Variants in CAMTA1 observed in about 807,000 individuals in gnomAD.
The protein encoded by CAMTA1 is calmodulin binding transcription activator 1.
In CAMTA1, 27 loss-of-function variants were observed where a neutral mutation model predicts 170.9. That is an observed-to-expected ratio of 0.16 (90% confidence interval 0.12 to 0.22). CAMTA1 has a LOEUF of 0.22. Ranked by LOEUF, CAMTA1 falls within the 10% of genes least tolerant of loss-of-function variation. The pLI is 1.00. For missense variants in CAMTA1, 1,619 were observed against 2,217.2 expected, an observed-to-expected ratio of 0.73 and a Z score of 5.42; for synonymous variants, 833 against 891.5, an observed-to-expected ratio of 0.93 and a Z score of 1.17.
At chr1:7,118,431 C>G (rs1259253647) in intron 4 of CAMTA1, among the ~76,000 whole-genome samples, 1 of 151,166 alleles carries the variant, frequency 6.6e-6, no homozygotes, top group Non-Finnish European at 1.5e-5. Flanking sequence ...TAGCTGGGAC[C>G]ACAGGAGTAC....
chr1:7,592,094 T>G lies in CAMTA1; in HGVS notation c.511-48306T>G, dbSNP rs1378327317. On this transcript the variant is annotated intron_variant, in intron 6 of 22. Transcript: ENST00000303635. This position sits in a 1 kb window ranked among gnomAD's most constrained non-coding sequence, Gnocchi z 4.6. ...TTATATTTTTAGTAGAGATGGGGTT[T>G]CATCATGTTGGCCAGGCTGGTCTCG... Among the ~76,000 whole-genome samples the G allele has an allele frequency of 1.3e-5, 2 of 152,154 alleles. No individual in the cohort carries two copies.
At chr1:7,687,306 G>A (rs3124794) in intron 11 of CAMTA1, among the ~76,000 whole-genome samples, 73,200 of 151,038 alleles carry the variant, frequency 0.48, 17,923 homozygotes, top group East Asian at 0.65. Context: ...GCTAAGAAAC[G>A]AAGGTGTTTC....
At chr1:7,582,588 G>A (rs1253491681) in intron 6 of CAMTA1, among the ~76,000 whole-genome samples, 6 of 152,146 alleles carry the variant, frequency 3.9e-5, no homozygotes, top group Non-Finnish European at 8.8e-5. Context: ...CTTCTAGCTT[G>A]TTGCTGTAAC....
intron 11 of CAMTA1, among the ~76,000 whole-genome samples, chr1:7,705,744 G>T (rs569192957): frequency 6.6e-6 from 1 of 152,340 alleles, no homozygotes; most frequent in South Asian, 2.1e-4. Context: ...GGCGACGGGG[G>T]ACTGTCTCTA....
Position 7,673,650 on chromosome 1 carries a change from G to A in CAMTA1, c.2779+2613G>A, listed in dbSNP as rs17031320. On this transcript the variant is annotated intron_variant, in intron 10 of 22. Transcript: ENST00000303635. This position sits in a 1 kb window ranked among gnomAD's most constrained non-coding sequence, Gnocchi z 4.6. ...AGGGACCAGGAGCCACAAGGCTCAA[G>A]GCACACTGAGAGCTGGGACTCCCCT... 2.4e-3 allele frequency among the ~76,000 whole-genome samples: 368 copies of A among 152,316 alleles called. 2 individuals are homozygous for A. The highest frequency in any genetic ancestry group is 7.2e-3 in the African/African-American group (299 of 41,578).
At chr1:7,557,655 C>T (rs996643342) in intron 6 of CAMTA1, among the ~76,000 whole-genome samples, 3 of 152,220 alleles carry the variant, frequency 2.0e-5, no homozygotes, top group Non-Finnish European at 4.4e-5. Context: ...TCCCCCAGCT[C>T]CCTTTTGCCC....
chr1:6,907,408 G>T (rs1279170749), intron 3 of CAMTA1, among the ~76,000 whole-genome samples: 2 of 152,034 alleles, frequency 1.3e-5, no homozygotes, highest in African/African-American at 4.8e-5. Context: ...TTCTACGCAG[G>T]GTGCATGCAG....
chr1:6,878,207 A>G (rs780082537), intron 3 of CAMTA1, among the ~76,000 whole-genome samples: 1 of 152,254 alleles, frequency 6.6e-6, no homozygotes, highest in Non-Finnish European at 1.5e-5. Flanking sequence ...AGGTTGTCTT[A>G]TAAACTAACC....
Position 7,737,531 on chromosome 1 carries a change from A to G in CAMTA1, c.3619A>G (p.Ile1207Val), listed in dbSNP as rs2096781189. 1.2e-6 allele frequency: 2 copies of G among 1,613,938 alleles called. No homozygotes were observed. Among genetic ancestry groups the G allele is most frequent in the South Asian group, 1.1e-5 (1 of 91,058 alleles). ...CAGCGAAGCCATCAGCTCTCCAGAA[A>G]TACCCAAGGGAGTCACTGTTATTGC... Reference protein sequence around the residue: ...WHSEAISSPEIPKGVTVIAST... With the variant: ...WHSEAISSPEVPKGVTVIAST... The change falls in exon 15 of 23, where the codon ATA becomes GTA. Residue 1207 changes from isoleucine (I) to valine (V), a missense_variant. Ile to Val is a conservative substitution (Grantham distance 29). Around this residue, in one of 8 missense-constraint regions of CAMTA1, gnomAD observed 370 missense variants for 429.4 expected, o/e 0.86. Coordinates refer to ENST00000303635, the MANE Select transcript of CAMTA1 (RefSeq NM_015215.4).
At chr1:7,524,603 G>A (rs1048042654) in intron 6 of CAMTA1, among the ~76,000 whole-genome samples, 1 of 152,176 alleles carries the variant, frequency 6.6e-6, no homozygotes, top group East Asian at 1.9e-4. Context: ...ATGTGAGCCA[G>A]AGGGATTTTG....
At chr1:7,419,133 C>A (rs187414070) in intron 5 of CAMTA1, among the ~76,000 whole-genome samples, 1 of 152,140 alleles carries the variant, frequency 6.6e-6, no homozygotes, top group African/African-American at 2.4e-5. Flanking sequence ...CTTCCCTTCC[C>A]GAACTTCTTC....
chr1:7,679,226 C>T (rs1019260065), intron 11 of CAMTA1, among the ~76,000 whole-genome samples: 1 of 152,208 alleles, frequency 6.6e-6, no homozygotes, highest in Non-Finnish European at 1.5e-5. Context: ...GGAATGGAGT[C>T]AGGAACTCTC....
At chr1:7,301,922 T>A (rs1674827309) in intron 5 of CAMTA1, among the ~76,000 whole-genome samples, 1 of 152,096 alleles carries the variant, frequency 6.6e-6, no homozygotes, top group Admixed American at 6.5e-5. Flanking sequence ...CCTGGCCCCC[T>A]GTCATCCAGC....
chr1:7,283,614 T>C (rs1474929502), intron 5 of CAMTA1, among the ~76,000 whole-genome samples: 1 of 152,230 alleles, frequency 6.6e-6, no homozygotes, highest in East Asian at 1.9e-4. Context: ...CATCTTCAAA[T>C]ATCTTCATTT....
intron 4 of CAMTA1, among the ~76,000 whole-genome samples, chr1:7,222,739 C>A (rs928113070): frequency 6.6e-6 from 1 of 152,274 alleles, no homozygotes; most frequent in Non-Finnish European, 1.5e-5. Context: ...GGCAATGGTC[C>A]CTGGGCCAGA....
At chr1:7,244,613 C>A (rs981508295) in intron 4 of CAMTA1, among the ~76,000 whole-genome samples, 13 of 151,998 alleles carry the variant, frequency 8.6e-5, no homozygotes, top group Admixed American at 2.0e-4. Context: ...AAGCTGGAAA[C>A]CATCATTCTC....
intron 9 of CAMTA1, among the ~76,000 whole-genome samples, chr1:7,670,114 C>T (rs1449691689): frequency 1.3e-5 from 2 of 152,184 alleles, no homozygotes; most frequent in African/African-American, 4.8e-5. Context: ...GAAGGTCATT[C>T]GAGGCTGCTC....
At chr1:7,340,725 C>CATCG (rs1261842241) in intron 5 of CAMTA1, among the ~76,000 whole-genome samples, 2 of 76,528 alleles carry the variant, frequency 2.6e-5, no homozygotes, top group Non-Finnish European at 4.9e-5. Flanking sequence ...TGCATCCATC[C>CATCG]ATCCATCCAT....
At position 7,333,683 on chromosome 1, in the gene CAMTA1, A is replaced by G. The variant is rs534822701; in HGVS notation, c.438+84057A>G. Among the ~76,000 whole-genome samples, 1 of 152,340 alleles carries G rather than the reference A, an allele frequency of 6.6e-6. No homozygotes were observed. The highest frequency in any genetic ancestry group is 2.4e-5 in the African/African-American group (1 of 41,574). ...CCTCCGCCATGTTGCAGATTCTCCAATAAGCATCCCGGTGATCTGTGTGCC... is the reference window on the plus strand; with the variant it reads ...CCTCCGCCATGTTGCAGATTCTCCAGTAAGCATCCCGGTGATCTGTGTGCC... On this transcript the variant is annotated intron_variant, in intron 5 of 22. Transcript: ENST00000303635. The surrounding 1 kb of genome is among the most constrained non-coding windows in gnomAD (Gnocchi z 4.4).
Sources: allele counts gnomAD v4.1 joint callset (sites outside exome capture counted in the v4.1 genomes callset), GRCh38; gene constraint gnomAD v4.1.1; regional missense constraint gnomAD v4.1.1; non-coding constraint Gnocchi (gnomAD v3.1); transcripts MANE v1.5; gene names NCBI Gene and HGNC (gene_info 2026-07-23, HGNC 2026-07-21).